The following SLC8A3 variants were observed in gnomAD, a reference collection of about 807,000 sequenced individuals.
The protein encoded by SLC8A3 is sodium/calcium exchanger 3.
SLC8A3 carries 37 observed loss-of-function variants against 65.4 expected under a neutral mutation model. The ratio of observed to expected loss-of-function variants is 0.57; its 90% CI spans 0.44 to 0.74. The LOEUF is 0.74. SLC8A3 is among the 30% of genes least tolerant of loss of function. The pLI, the probability that SLC8A3 is intolerant of heterozygous loss-of-function variation, is 0.00. For missense variants in SLC8A3, 1,112 were observed against 1,172.1 expected, an observed-to-expected ratio of 0.95 and a Z score of 0.75; for synonymous variants, 461 against 444.5, an observed-to-expected ratio of 1.04 and a Z score of -0.47.
intron 2 of SLC8A3, among the ~76,000 whole-genome samples, chr14:70,130,696 G>T (rs1880737922): frequency 6.6e-6 from 1 of 152,202 alleles, no homozygotes; most frequent in Admixed American, 6.5e-5. Context: ...GCTGTAAATG[G>T]CTCATTTACT....
intron 2 of SLC8A3, among the ~76,000 whole-genome samples, chr14:70,071,996 G>GAGTCCA (rs1303638750): frequency 6.6e-6 from 1 of 152,152 alleles, no homozygotes; most frequent in Non-Finnish European, 1.5e-5. Flanking sequence ...CTACATACCT[G>GAGTCCA]TGACTAGCTG....
At chr14:70,050,362 A>T (rs1283231709) in intron 5 of SLC8A3, among the ~76,000 whole-genome samples, 1 of 152,144 alleles carries the variant, frequency 6.6e-6, no homozygotes, top group Non-Finnish European at 1.5e-5. Context: ...AAAGTCTCTC[A>T]ATAAAAGACA....
intron 2 of SLC8A3, among the ~76,000 whole-genome samples, chr14:70,073,929 T>A (rs570452705): frequency 1.3e-5 from 2 of 152,280 alleles, no homozygotes; most frequent in South Asian, 4.1e-4. Context: ...TTTCTAGAGA[T>A]CCTTGTAAAT....
chr14:70,086,699 C>CA (rs1891471555), intron 2 of SLC8A3, among the ~76,000 whole-genome samples: 2 of 151,488 alleles, frequency 1.3e-5, no homozygotes, highest in Non-Finnish European at 2.9e-5. Flanking sequence ...CAATTTCTTT[C>CA]TTTTTTTTTC....
chr14:70,173,828 G>A (rs978000443), intron 1 of SLC8A3, among the ~76,000 whole-genome samples: 1 of 152,176 alleles, frequency 6.6e-6, no homozygotes, highest in African/African-American at 2.4e-5. Flanking sequence ...AATACTCCTC[G>A]AGAGACACAG....
intron 1 of SLC8A3, among the ~76,000 whole-genome samples, chr14:70,176,700 G>A (rs1897931303): frequency 6.6e-6 from 1 of 152,146 alleles, no homozygotes; most frequent in Non-Finnish European, 1.5e-5. Flanking sequence ...TTCATACCTT[G>A]CCAAGAATAG....
chr14:70,153,897 G>A (rs1039055109), intron 2 of SLC8A3, among the ~76,000 whole-genome samples: 2 of 152,212 alleles, frequency 1.3e-5, no homozygotes, highest in Non-Finnish European at 2.9e-5. Context: ...ATGGTCCTGA[G>A]CCAGCCTCGC....
intron 1 of SLC8A3, among the ~76,000 whole-genome samples, chr14:70,180,603 G>A (rs985741826): frequency 2.0e-5 from 3 of 152,174 alleles, no homozygotes; most frequent in Non-Finnish European, 4.4e-5. Flanking sequence ...GAGTACAGTG[G>A]TATGTTTGGG....
intron 5 of SLC8A3, 79 bp from the exon 6 acceptor site, chr14:70,049,121 AC>A: frequency 7.3e-7 from 1 of 1,377,946 alleles, no homozygotes; most frequent in Non-Finnish European, 1.0e-6. Flanking sequence ...CCCAACCCGC[AC>A]CACAGGCATC....
In SLC8A3 at chr14:70,045,098, T is replaced by C. The variant is rs533185564; in HGVS notation, c.*849A>G. Reference sequence around the variant, plus strand: ...CACTGACACAACAAGACACACAGAATTGGAAAGGCTTGGGCAAAGAGGGAC... The same window carrying C: ...CACTGACACAACAAGACACACAGAACTGGAAAGGCTTGGGCAAAGAGGGAC... On this transcript the variant is annotated 3_prime_UTR_variant, in exon 7 of 7. Coordinates refer to ENST00000356921, the MANE Select transcript of SLC8A3 (RefSeq NM_182932.3). 1.3e-5 allele frequency: 2 copies of C among 152,276 alleles called. No homozygotes were observed. Among genetic ancestry groups the C allele is most frequent in the East Asian group, 3.9e-4 (2 of 5,182 alleles). The allele number at this position is 152,276 out of a possible 1,614,324, so 9.4% of individuals were successfully genotyped here.
At chr14:70,089,400 A>T (rs1891666285) in intron 2 of SLC8A3, among the ~76,000 whole-genome samples, 1 of 152,256 alleles carries the variant, frequency 6.6e-6, no homozygotes, top group Non-Finnish European at 1.5e-5. Context: ...ATGCTTATGA[A>T]ATGAATGAAA....
Position 70,188,905 on chromosome 14 carries a change from C to T in SLC8A3, c.-589G>A, listed in dbSNP as rs1197431570. On this transcript the variant is annotated 5_prime_UTR_variant, in exon 1 of 7. Coordinates refer to ENST00000356921, the MANE Select transcript of SLC8A3 (RefSeq NM_182932.3). ...GTCTCCGCCTTGCACGCTGTCACCG[C>T]GGGAGACGTCTCGGCCTCGCCGCGC... 1 of 152,092 alleles carries T rather than the reference C, an allele frequency of 6.6e-6. No homozygotes were observed. The highest frequency in any genetic ancestry group is 2.4e-5 in the African/African-American group (1 of 41,414). 9.4% of individuals were successfully genotyped at this position (152,092 alleles called of 1,614,324 possible).
intron 3 of SLC8A3, among the ~76,000 whole-genome samples, chr14:70,058,348 TTC>T (rs1030690210): frequency 6.6e-6 from 1 of 152,208 alleles, no homozygotes. Flanking sequence ...TTTATGACCT[TTC>T]ACCTTATGGT....
chr14:70,110,882 G>A (rs911330707), intron 2 of SLC8A3, among the ~76,000 whole-genome samples: 8 of 151,326 alleles, frequency 5.3e-5, no homozygotes, highest in African/African-American at 1.7e-4. Flanking sequence ...GGGTTTTACC[G>A]TGTTAGCCAA....
intron 6 of SLC8A3, chr14:70,047,352 T>G (rs1223613873): frequency 6.6e-6 from 1 of 152,194 alleles, no homozygotes; most frequent in African/African-American, 2.4e-5. Context: ...TTATTGTTGT[T>G]TTTTGCTTCT....
intron 2 of SLC8A3, among the ~76,000 whole-genome samples, chr14:70,113,926 C>A (rs992735763): frequency 6.6e-5 from 10 of 151,434 alleles, no homozygotes; most frequent in Non-Finnish European, 1.3e-4. Flanking sequence ...TCCTGATGTT[C>A]CCAGGTGTTC....
At chr14:70,139,183 G>A (rs1478913256) in intron 2 of SLC8A3, among the ~76,000 whole-genome samples, 1 of 152,172 alleles carries the variant, frequency 6.6e-6, no homozygotes, top group Non-Finnish European at 1.5e-5. Context: ...TAAAATAGAG[G>A]AGAGAAGGAG....
chr14:70,097,367 C>T (rs1892256290), intron 2 of SLC8A3, among the ~76,000 whole-genome samples: 1 of 150,966 alleles, frequency 6.6e-6, no homozygotes, highest in Admixed American at 6.6e-5. Flanking sequence ...CTCAACAATA[C>T]AAAGTTACTA....
At chr14:70,064,355 T>A (rs998616693) in intron 2 of SLC8A3, among the ~76,000 whole-genome samples, 7 of 152,186 alleles carry the variant, frequency 4.6e-5, no homozygotes, top group African/African-American at 1.7e-4. Context: ...TTTGCTTCCT[T>A]ATCAGTCTTG....
Sources: allele counts gnomAD v4.1 joint callset (sites outside exome capture counted in the v4.1 genomes callset), GRCh38; gene constraint gnomAD v4.1.1; transcripts MANE v1.5; gene names NCBI Gene and HGNC (gene_info 2026-07-23, HGNC 2026-07-21).